EML6: variants seen among roughly 807,000 people sequenced by gnomAD.
EML6 encodes echinoderm microtubule-associated protein-like 6.
In EML6, 154 loss-of-function variants were observed where a neutral mutation model predicts 240.1. The observed-to-expected ratio is 0.64, with a 90% CI of 0.56 to 0.73. The LOEUF is 0.73. Among genes scored for constraint, EML6 ranks in the 30% least tolerant of loss-of-function variants. The probability of loss-of-function intolerance (pLI) is 0.00; values close to 1 mark genes in which losing one functional copy is unlikely to be tolerated. For missense variants in EML6, 2,964 were observed against 2,474.6 expected, an observed-to-expected ratio of 1.20 and a Z score of -4.20; for synonymous variants, 1,148 against 899.0, an observed-to-expected ratio of 1.28 and a Z score of -4.95.
chr2:54,878,962 AC>A (rs1399580012), intron 16 of EML6, among the ~76,000 whole-genome samples: 1 of 152,258 alleles, frequency 6.6e-6, no homozygotes, highest in African/African-American at 2.4e-5. Context: ...ATTTCCTATA[AC>A]AAGTACACTA....
At chr2:54,847,701 C>A (rs767558143) in intron 9 of EML6, 78 bp downstream of exon 9, 324 of 1,454,900 alleles carry the variant, frequency 2.2e-4, no homozygotes, top group Non-Finnish European at 2.9e-4. Context: ...ATAATACATG[C>A]TAGGACCTTA....
At chr2:54,804,643 T>C (rs931801573) in intron 2 of EML6, among the ~76,000 whole-genome samples, 1 of 152,242 alleles carries the variant, frequency 6.6e-6, no homozygotes, top group Non-Finnish European at 1.5e-5. Context: ...AGGATCACTT[T>C]TGTTTTAATC....
chr2:54,911,028 A>G lies in EML6; in HGVS notation c.3484A>G (p.Ile1162Val). 5 of 1,522,578 alleles carry G rather than the reference A, an allele frequency of 3.3e-6. No homozygotes were observed. Among genetic ancestry groups the G allele is most frequent in the Non-Finnish European group, 4.5e-6 (5 of 1,123,250 alleles). 94.3% of individuals were successfully genotyped at this position (1,522,578 alleles called of 1,614,324 possible). The change falls in exon 25 of 42, where the codon ATA becomes GTA. Residue 1162 changes from isoleucine (I) to valine (V), a missense_variant. By Grantham distance (29) the Ile-to-Val change is conservative. Coordinates refer to ENST00000356458, the MANE Select transcript of EML6 (RefSeq NM_001039753.4). ...FEAPRGKRHI[I>V]RPSEIEKIEW... is the part of the protein sequence containing the mutation. ...AGCTCCAAGAGGCAAACGGCATATA[A>G]TAAGACCTTCAGAGGTAATAATCAT...
At chr2:54,950,816 G>A in intron 30 of EML6, 37 bp downstream of exon 30, 2 of 1,539,064 alleles carry the variant, frequency 1.3e-6, no homozygotes, top group Non-Finnish European at 1.8e-6. Context: ...TTTTCTTTTA[G>A]CTGTTTTTTA....
chr2:54,733,977 ATGAGAAATAC>A (rs1683280674), intron 2 of EML6, among the ~76,000 whole-genome samples: 1 of 152,214 alleles, frequency 6.6e-6, no homozygotes, highest in Non-Finnish European at 1.5e-5. Context: ...AAGGACAGTG[ATGAGAAATAC>A]TGAGTTGAGG....
intron 30 of EML6, among the ~76,000 whole-genome samples, chr2:54,951,692 C>T (rs1341688289): frequency 5.5e-5 from 7 of 127,278 alleles, no homozygotes; most frequent in Non-Finnish European, 1.7e-5. Flanking sequence ...CTTATTTGCT[C>T]ATGCCTCAAG....
chr2:54,900,634 C>T (rs115669155), intron 22 of EML6, among the ~76,000 whole-genome samples: 1,673 of 152,284 alleles, frequency 0.011, 13 homozygotes, highest in Non-Finnish European at 0.018. Flanking sequence ...CTGCGGGAGG[C>T]AGCCAGGGAA....
chr2:54,770,255 C>T (rs1668351782), intron 2 of EML6, among the ~76,000 whole-genome samples: 1 of 152,148 alleles, frequency 6.6e-6, no homozygotes, highest in Non-Finnish European at 1.5e-5. Context: ...ATCATCCAAA[C>T]TGGGACATTT....
chr2:54,806,976 C>T (rs2578715), intron 2 of EML6, among the ~76,000 whole-genome samples: 139,950 of 152,282 alleles, frequency 0.92, 64,464 homozygotes, highest in East Asian at 0.99. Flanking sequence ...AGAAAAAAAA[C>T]TATGCATACG....
rs766342942 is a variant in EML6, at chr2:54,871,556, G to C, written c.2295G>C (p.Ser765=). ...ACACACAAACTCTAAAATGTTTGTC[G>C]CTGTTGAAAGGACAACATCAGAGAG... is the stretch of plus-strand genomic sequence containing the variant. ...VWDTQTLKCL[S]LLKGQHQRGV... is the part of the protein sequence containing the mutation. The change falls in exon 16 of 42, where the codon TCG becomes TCC. Residue 765 remains serine, a synonymous_variant. Transcript: ENST00000356458. 2.6e-6 allele frequency: 4 copies of C among 1,551,750 alleles called. No individual in the cohort carries two copies. Among genetic ancestry groups the C allele is most frequent in the Non-Finnish European group, 3.5e-6 (4 of 1,146,956 alleles).
Position 54,725,952 on chromosome 2 carries a change from G to A in EML6, c.197+694G>A, listed in dbSNP as rs886902377. 6.6e-6 allele frequency among the ~76,000 whole-genome samples: 1 copy of A among 151,942 alleles called. No individual in the cohort carries two copies. The highest frequency in any genetic ancestry group is 1.5e-5 in the Non-Finnish European group (1 of 67,954). On this transcript the variant is annotated intron_variant, in intron 2 of 41. Transcript: ENST00000356458. The surrounding 1 kb of genome is among the most constrained non-coding windows in gnomAD (Gnocchi z 4.3). ...GCTAGCGGATGGCCCAAGACTGACTGACAGGAGAGCTCATTTGGATGAATG... is the reference window on the plus strand; with the variant it reads ...GCTAGCGGATGGCCCAAGACTGACTAACAGGAGAGCTCATTTGGATGAATG...
chr2:54,953,143 T>C (rs565632728), intron 31 of EML6, among the ~76,000 whole-genome samples: 21 of 152,322 alleles, frequency 1.4e-4, no homozygotes, highest in Non-Finnish European at 1.8e-4. Context: ...TTTTTACAAC[T>C]TCCTGCTTGT....
chr2:54,914,190 A>T (rs1189435164), intron 25 of EML6, among the ~76,000 whole-genome samples: 1 of 152,198 alleles, frequency 6.6e-6, no homozygotes, highest in Non-Finnish European at 1.5e-5. Flanking sequence ...TTTAATCCTC[A>T]TAACAGCTTT....
At chr2:54,880,437 C>G (rs1257413212) in intron 17 of EML6, 3 of 152,168 alleles carry the variant, frequency 2.0e-5, no homozygotes, top group African/African-American at 7.2e-5. Flanking sequence ...CCAATATTCA[C>G]TTTTTAAAGT....
chr2:54,728,543 CA>C (rs1683011953), intron 2 of EML6, among the ~76,000 whole-genome samples: 1 of 152,170 alleles, frequency 6.6e-6, no homozygotes, highest in Admixed American at 6.5e-5. Context: ...CCCACTCTGC[CA>C]TTTACCGGGG....
rs769972289 is a variant in EML6, at chr2:54,950,689, G to C, written c.4123G>C (p.Asp1375His). The C allele has an allele frequency of 4.5e-6, 7 of 1,551,476 alleles. No individual in the cohort carries two copies. The highest frequency in any genetic ancestry group is 2.7e-5 in the African/African-American group (2 of 73,032). The change falls in exon 30 of 42, where the codon GAC (aspartate) becomes CAC (histidine). Residue 1375 changes from aspartate (D) to histidine (H), a missense_variant. Physicochemically the swap from Asp to His is moderately conservative, Grantham distance 81. Transcript: ENST00000356458. ...CCACGTGTTTGGCTACAGAGGTTTC[G>C]ACTGTCGAAATAACCTGCATTACCT... ...LDHVFGYRGF[D>H]CRNNLHYLND...
At chr2:54,904,243 C>A (rs185381936) in intron 24 of EML6, among the ~76,000 whole-genome samples, 4 of 152,240 alleles carry the variant, frequency 2.6e-5, no homozygotes, top group Non-Finnish European at 5.9e-5. Flanking sequence ...TGAGCAGGGA[C>A]TCCGAATGGG....
chr2:54,810,691 G>A (rs1667794979), intron 2 of EML6, among the ~76,000 whole-genome samples: 1 of 152,156 alleles, frequency 6.6e-6, no homozygotes, highest in South Asian at 2.1e-4. Flanking sequence ...TGGCAGCCAA[G>A]ATGGTTGGCA....
In EML6 at chr2:54,859,671, A is replaced by C; in HGVS notation, c.1795A>C (p.Ser599Arg). Residue 599 changes from serine (S) to arginine (R), a missense_variant, in exon 12 of 42, where the codon AGC (serine) becomes CGC (arginine). Coordinates refer to ENST00000356458, the MANE Select transcript of EML6 (RefSeq NM_001039753.4). ...FQWRFIPEGV[S>R]NGMLETAPQE... is the part of the protein sequence containing the mutation. ...GTGGAGGTTTATTCCAGAAGGTGTCAGCAACGGCATGCTGGAAACTGCACC... is the reference window on the plus strand; with the variant it reads ...GTGGAGGTTTATTCCAGAAGGTGTCCGCAACGGCATGCTGGAAACTGCACC... The C allele has an allele frequency of 1.3e-6, 2 of 1,547,514 alleles. No individual in the cohort carries two copies. Among genetic ancestry groups the C allele is most frequent in the Non-Finnish European group, 1.7e-6 (2 of 1,145,918 alleles).
Sources: allele counts gnomAD v4.1 joint callset (sites outside exome capture counted in the v4.1 genomes callset), GRCh38; gene constraint gnomAD v4.1.1; non-coding constraint Gnocchi (gnomAD v3.1); transcripts MANE v1.5; gene names NCBI Gene and HGNC (gene_info 2026-07-23, HGNC 2026-07-21).